ANKRD17: variants seen among roughly 807,000 people sequenced by gnomAD.
The protein encoded by ANKRD17 is ankyrin repeat domain-containing protein 17.
Under a neutral mutation model 229.7 loss-of-function variants are expected in ANKRD17, and 19 were observed. The observed-to-expected ratio is 0.08, with a 90% CI of 0.06 to 0.12. The LOEUF (loss-of-function observed/expected upper bound fraction) is 0.12, where lower values mean the gene tolerates loss of function less well. ANKRD17 is among the 10% of genes least tolerant of loss of function. The pLI is 1.00. For synonymous variants in ANKRD17, 1,112 were observed against 1,146.1 expected (o/e 0.97, Z 0.60); for missense variants, 2,176 against 3,176.8 (o/e 0.68, Z 7.57).
At chr4:73,236,748 C>T (rs999655198) in intron 1 of ANKRD17, among the ~76,000 whole-genome samples, 3 of 152,066 alleles carry the variant, frequency 2.0e-5, no homozygotes, top group South Asian at 4.1e-4. Context: ...ACCTCCAACA[C>T]AGAAGGTAGT....
chr4:73,189,184 T>C (rs530859679), intron 1 of ANKRD17, among the ~76,000 whole-genome samples: 10 of 152,080 alleles, frequency 6.6e-5, no homozygotes, highest in Non-Finnish European at 1.5e-4. Flanking sequence ...TCATTATAGA[T>C]AGCCAATTAA....
intron 1 of ANKRD17, among the ~76,000 whole-genome samples, chr4:73,182,207 A>G (rs954842270): frequency 1.3e-5 from 2 of 151,900 alleles, no homozygotes; most frequent in Admixed American, 6.6e-5. Flanking sequence ...CTAAGGGGGG[A>G]AAAAAGTTAT....
intron 1 of ANKRD17, among the ~76,000 whole-genome samples, chr4:73,248,379 T>C (rs1431078117): frequency 6.6e-6 from 1 of 152,012 alleles, no homozygotes; most frequent in Non-Finnish European, 1.5e-5. Context: ...TGAACATAGA[T>C]GCCCCAAAAA....
In ANKRD17 at chr4:73,219,216, T is replaced by A. The variant is rs543388442; in HGVS notation, c.393+39060A>T. Among the ~76,000 whole-genome samples the A allele has an allele frequency of 2.6e-5, 4 of 152,226 alleles. No individual in the cohort carries two copies. In the East Asian group the frequency reaches 7.7e-4, roughly 29 times the overall value. ...GACCAATTTAGGTTCTAAGAGTTACTACAACTTTTCCTAGTGAAAAATGTC... is the reference window on the plus strand; with the variant it reads ...GACCAATTTAGGTTCTAAGAGTTACAACAACTTTTCCTAGTGAAAAATGTC... On this transcript the variant is annotated intron_variant, in intron 1 of 33. Coordinates refer to ENST00000358602, the MANE Select transcript of ANKRD17 (RefSeq NM_032217.5).
At chr4:73,200,268 T>C (rs900853830) in intron 1 of ANKRD17, among the ~76,000 whole-genome samples, 13 of 152,124 alleles carry the variant, frequency 8.5e-5, no homozygotes, top group African/African-American at 3.1e-4. Flanking sequence ...CTCAGAACAG[T>C]GGTTCTCTAC....
intron 1 of ANKRD17, among the ~76,000 whole-genome samples, chr4:73,217,992 T>A (rs1741310435): frequency 6.6e-6 from 1 of 152,204 alleles, no homozygotes; most frequent in Non-Finnish European, 1.5e-5. Context: ...TATGTGTGTG[T>A]ATGTTTGTGT....
At chr4:73,233,735 T>C (rs1032747600) in intron 1 of ANKRD17, among the ~76,000 whole-genome samples, 2 of 152,184 alleles carry the variant, frequency 1.3e-5, no homozygotes, top group Non-Finnish European at 2.9e-5. Context: ...AATGCAATTG[T>C]CCTCACATGA....
intron 2 of ANKRD17, among the ~76,000 whole-genome samples, chr4:73,171,386 T>C (rs1406110593): frequency 3.9e-5 from 6 of 152,150 alleles, no homozygotes; most frequent in African/African-American, 1.2e-4. Flanking sequence ...AATGCAGACA[T>C]GGCTTAGATC....
At chr4:73,111,652 G>A (rs570783089) in intron 24 of ANKRD17, among the ~76,000 whole-genome samples, 1 of 152,196 alleles carries the variant, frequency 6.6e-6, no homozygotes, top group South Asian at 2.1e-4. Context: ...TATTTGTCGT[G>A]ACAAAAAACT....
chr4:73,171,664 G>A (rs1734058953), intron 2 of ANKRD17, among the ~76,000 whole-genome samples: 1 of 152,080 alleles, frequency 6.6e-6, no homozygotes, highest in Non-Finnish European at 1.5e-5. Flanking sequence ...AGAAATTAAA[G>A]ATAACACAGA....
chr4:73,144,276 A>G (rs969592858), intron 11 of ANKRD17, among the ~76,000 whole-genome samples: 19 of 152,332 alleles, frequency 1.2e-4, no homozygotes, highest in Admixed American at 7.2e-4. Context: ...GCAATTTGCT[A>G]TATTTGTCAC....
chr4:73,168,899 G>A (rs1447951507), intron 2 of ANKRD17: 1 of 152,160 alleles, frequency 6.6e-6, no homozygotes, highest in African/African-American at 2.4e-5. Flanking sequence ...AATGAGCATA[G>A]TATCTGATAA....
chr4:73,232,195 A>G (rs960722766), intron 1 of ANKRD17, among the ~76,000 whole-genome samples: 4 of 152,188 alleles, frequency 2.6e-5, no homozygotes, highest in African/African-American at 9.7e-5. Context: ...CCACGTCTTT[A>G]GAAGGAAGGG....
At chr4:73,169,813 C>T (rs750344717) in intron 2 of ANKRD17, among the ~76,000 whole-genome samples, 1 of 152,194 alleles carries the variant, frequency 6.6e-6, no homozygotes, top group Non-Finnish European at 1.5e-5. Flanking sequence ...CAGTGCTGCC[C>T]GGTCACAGCG....
intron 6 of ANKRD17, among the ~76,000 whole-genome samples, chr4:73,153,547 T>C (rs1450350914): frequency 1.3e-5 from 2 of 152,150 alleles, no homozygotes; most frequent in African/African-American, 4.8e-5. Context: ...TTCAGGTTCA[T>C]TGACATCATT....
intron 1 of ANKRD17, among the ~76,000 whole-genome samples, chr4:73,253,603 A>C (rs765847527): frequency 6.6e-6 from 1 of 152,246 alleles, no homozygotes; most frequent in Non-Finnish European, 1.5e-5. Flanking sequence ...ATGATGGATC[A>C]AGGATTTAAA....
chr4:73,162,059 T>C (rs1473887093), intron 2 of ANKRD17, among the ~76,000 whole-genome samples: 1 of 150,142 alleles, frequency 6.7e-6, no homozygotes, highest in Non-Finnish European at 1.5e-5. Flanking sequence ...TCTCTCTCTT[T>C]TTTTTTTTTT....
intron 2 of ANKRD17, among the ~76,000 whole-genome samples, chr4:73,169,738 T>C (rs574708418): frequency 3.3e-5 from 5 of 152,296 alleles, no homozygotes; most frequent in African/African-American, 4.8e-5. Context: ...GCTCCCCACA[T>C]GGTGCAAAGA....
Position 73,177,500 on chromosome 4 carries a change from C to T in ANKRD17, c.427G>A (p.Glu143Lys). 1 of 1,613,240 alleles carries T rather than the reference C, an allele frequency of 6.2e-7. No individual in the cohort carries two copies. Among genetic ancestry groups the T allele is most frequent in the Non-Finnish European group, 8.5e-7 (1 of 1,179,578 alleles). Reference protein sequence around the residue: ...ESFILDQDDLENPMLETASKL... With the variant: ...ESFILDQDDLKNPMLETASKL... ...GAAGCTGTTTCCAGCATTGGATTTT[C>T]CAAATCATCCTGATCCAAAATGAAA... Residue 143 changes from glutamate to lysine, a missense_variant, in exon 2 of 34, where the codon GAA (glutamate) becomes AAA (lysine). By Grantham distance (56) the Glu-to-Lys change is moderately conservative (BLOSUM62 1). Transcript: ENST00000358602.
Sources: allele counts gnomAD v4.1 joint callset (sites outside exome capture counted in the v4.1 genomes callset), GRCh38; gene constraint gnomAD v4.1.1; transcripts MANE v1.5; gene names NCBI Gene and HGNC (gene_info 2026-07-23, HGNC 2026-07-21).